Variants in SIDT2 observed in about 807,000 individuals in gnomAD.
SIDT2 encodes SID1 transmembrane family member 2, also known as SID1 transmembrane family, member 2.
SIDT2 carries 68 observed loss-of-function variants against 114.4 expected under a neutral mutation model. The observed-to-expected ratio is 0.59, with a 90% CI of 0.49 to 0.73. The LOEUF is 0.73. Ranked by LOEUF, SIDT2 falls within the 30% of genes least tolerant of loss-of-function variation. The pLI is 0.00. For missense variants in SIDT2, 918 were observed against 1,097.1 expected (o/e 0.84, Z 2.31); for synonymous variants, 470 against 438.4 (o/e 1.07, Z -0.90).
At chr11:117,183,489 T>C (rs1024538384) in intron 6 of SIDT2, among the ~76,000 whole-genome samples, 2 of 151,916 alleles carry the variant, frequency 1.3e-5, no homozygotes, top group African/African-American at 4.8e-5. Context: ...AACATAAAAA[T>C]TAGCTGGGCG....
intron 10 of SIDT2, chr11:117,187,130 C>T (rs539099817): frequency 1.6e-6 from 2 of 1,278,520 alleles, no homozygotes; most frequent in South Asian, 1.3e-5. Flanking sequence ...TTAGATGTGC[C>T]TGTTCTTGAA....
In SIDT2 at chr11:117,181,443, G is replaced by A. The variant is rs753430054; in HGVS notation, c.211G>A (p.Val71Ile). The A allele has an allele frequency of 8.1e-6, 13 of 1,613,668 alleles. No individual in the cohort carries two copies. Among genetic ancestry groups the A allele is most frequent in the Admixed American group, 5.0e-5 (3 of 59,974 alleles). The part of the protein sequence containing the change: ...RTEGVRVSVN[V>I]LNKQKGAPLL... ...AGAGGGCGTGCGTGTGTCTGTGAACGTCCTGAACAAGCAGAAGGGGGCGCC... is the reference window on the plus strand; with the variant it reads ...AGAGGGCGTGCGTGTGTCTGTGAACATCCTGAACAAGCAGAAGGGGGCGCC... Residue 71 changes from valine to isoleucine, a missense_variant, in exon 2 of 26, where the codon GTC becomes ATC. Coordinates refer to ENST00000324225, the MANE Select transcript of SIDT2 (RefSeq NM_001040455.2).
rs770051202 is a variant in SIDT2, at chr11:117,183,776, C to T, written c.703-3C>T. ...GAAGATATTTATCATCATCATCCTG[C>T]AGCGCAAAGACTTCCCCAGCAACAG... On this transcript the variant is annotated splice_polypyrimidine_tract_variant and splice_region_variant and intron_variant, in intron 6 of 25. Transcript: ENST00000324225. The T allele has an allele frequency of 1.9e-5, 31 of 1,603,684 alleles. No individual in the cohort carries two copies. The highest frequency in any genetic ancestry group is 2.6e-5 in the Non-Finnish European group (30 of 1,170,838).
intron 23 of SIDT2, among the ~76,000 whole-genome samples, 170 bp from the exon 24 acceptor site, chr11:117,193,683 G>A (rs1460837076): frequency 6.6e-6 from 1 of 152,148 alleles, no homozygotes; most frequent in Non-Finnish European, 1.5e-5. Flanking sequence ...GTGGACATCG[G>A]GGTGGGGGCA....
rs926119918 is a variant in SIDT2, at chr11:117,182,533, G to C, written c.531G>C (p.Glu177Asp). Residue 177 changes from glutamate (E) to aspartate (D), a missense_variant, in exon 5 of 26, where the codon GAG becomes GAC. Glu to Asp is a conservative substitution (Grantham distance 45). Around this residue, in one of 4 missense-constraint regions of SIDT2, gnomAD observed 553 missense variants for 600.1 expected, o/e 0.92. Coordinates refer to ENST00000324225, the MANE Select transcript of SIDT2 (RefSeq NM_001040455.2). The stretch of plus-strand genomic sequence containing the variant: ...TGCACCCTCAGTACTTCAAGTATGA[G>C]TTCCCTGAAGGCGTGGACTCGGTAA... ...TAAQPQYFKYEFPEGVDSVIV... is the reference protein window; with the variant it reads ...TAAQPQYFKYDFPEGVDSVIV... 4 of 1,614,078 alleles carry C rather than the reference G, an allele frequency of 2.5e-6. No homozygotes were observed. Among genetic ancestry groups the C allele is most frequent in the Non-Finnish European group, 3.4e-6 (4 of 1,179,898 alleles).
Position 117,186,175 on chromosome 11 carries a change from TCTCCTTTTAC to T in SIDT2, c.917_926del (p.Ser306CysfsTer2). 1 of 1,614,104 alleles carries T rather than the reference TCTCCTTTTAC, an allele frequency of 6.2e-7. No individual in the cohort carries two copies. The highest frequency in any genetic ancestry group is 1.1e-5 in the South Asian group (1 of 91,078). ...ATGCTCTTTTGCCTGGGTATATTTC[TCTCCTTTTAC>T]CTGCTGACCGTCCTCCTGGCCTGCT... On this transcript the variant is annotated frameshift_variant, in exon 9 of 26. Coordinates refer to ENST00000324225, the MANE Select transcript of SIDT2 (RefSeq NM_001040455.2). LOFTEE classifies it high-confidence loss of function.
intron 12 of SIDT2, 146 bp downstream of exon 12, chr11:117,187,845 C>T (rs1376911220): frequency 2.5e-6 from 2 of 784,356 alleles, no homozygotes; most frequent in East Asian, 2.6e-5. Context: ...CCCTCATCCC[C>T]TCCTCCTTGG....
intron 24 of SIDT2, among the ~76,000 whole-genome samples, chr11:117,195,158 G>A (rs920188943): frequency 6.9e-6 from 1 of 144,462 alleles, no homozygotes; most frequent in Non-Finnish European, 1.5e-5. Flanking sequence ...GACCTACTGT[G>A]ACCTTAGTAA....
intron 6 of SIDT2, 49 bp from the exon 7 acceptor site, chr11:117,183,730 A>AATG (rs377497326): frequency 3.8e-5 from 47 of 1,251,218 alleles, no homozygotes; most frequent in Middle Eastern, 1.9e-4. Context: ...TTTAGAAAAG[A>AATG]ATGATGATGA....
rs2030369951 is a variant in SIDT2, at chr11:117,183,331, G to T, written c.703-448G>T. 2.0e-5 allele frequency among the ~76,000 whole-genome samples: 3 copies of T among 151,614 alleles called. No homozygotes were observed. In the South Asian group the frequency reaches 6.3e-4, roughly 32 times the overall value. On this transcript the variant is annotated intron_variant, in intron 6 of 25. Coordinates refer to ENST00000324225, the MANE Select transcript of SIDT2 (RefSeq NM_001040455.2). ...CTGCACTCCAGCCTGGGCAAAAGGAGTGAAACTCTGTCTCAAGAAAAAAAA... is the reference window on the plus strand; with the variant it reads ...CTGCACTCCAGCCTGGGCAAAAGGATTGAAACTCTGTCTCAAGAAAAAAAA...
intron 6 of SIDT2, 67 bp downstream of exon 6, chr11:117,182,873 G>T: frequency 6.6e-7 from 1 of 1,525,528 alleles, no homozygotes; most frequent in South Asian, 1.2e-5. Context: ...TTCCAAACTT[G>T]AGCTCTTCTT....
chr11:117,185,034 C>CCT (rs765702256), intron 8 of SIDT2, among the ~76,000 whole-genome samples: 30 of 149,382 alleles, frequency 2.0e-4, no homozygotes, highest in South Asian at 4.3e-4. Context: ...CCAGAGGGTG[C>CCT]CTCTCTCTCT....
At position 117,186,170 on chromosome 11, in the gene SIDT2, A is replaced by G. The variant is rs765199635; in HGVS notation, c.909A>G (p.Ile303Met). Reference sequence around the variant, plus strand: ...GTGGGATGCTCTTTTGCCTGGGTATATTTCTCTCCTTTTACCTGCTGACCG... The same window carrying G: ...GTGGGATGCTCTTTTGCCTGGGTATGTTTCTCTCCTTTTACCTGCTGACCG... ...YVSGMLFCLG[I>M]FLSFYLLTVL... Residue 303 changes from isoleucine to methionine, a missense_variant, in exon 9 of 26, where the codon ATA (isoleucine) becomes ATG (methionine). By Grantham distance (10) the Ile-to-Met change is conservative (BLOSUM62 1). Around this residue, in one of 4 missense-constraint regions of SIDT2, gnomAD observed 553 missense variants for 600.1 expected, o/e 0.92. Transcript: ENST00000324225. 14 of 1,613,484 alleles carry G rather than the reference A, an allele frequency of 8.7e-6. No homozygotes were observed. Among genetic ancestry groups the G allele is most frequent in the South Asian group, 1.1e-5 (1 of 91,064 alleles).
Position 117,197,392 on chromosome 11 carries a change from G to C in SIDT2, c.*1326G>C, listed in dbSNP as rs1429301427. 1 of 152,644 alleles carries C rather than the reference G, an allele frequency of 6.6e-6. No homozygotes were observed. The highest frequency in any genetic ancestry group is 6.5e-5 in the Admixed American group (1 of 15,290). 9.5% of individuals were successfully genotyped at this position (152,644 alleles called of 1,614,324 possible). Reference sequence around the variant, plus strand: ...CTCAGAGCGTCTCCATGCTATGGTTGCATTTCCGTTTTCTATGAATGAATT... The same window carrying C: ...CTCAGAGCGTCTCCATGCTATGGTTCCATTTCCGTTTTCTATGAATGAATT... On this transcript the variant is annotated 3_prime_UTR_variant, in exon 26 of 26. Coordinates refer to ENST00000324225, the MANE Select transcript of SIDT2 (RefSeq NM_001040455.2).
intron 8 of SIDT2, 94 bp downstream of exon 8, chr11:117,184,233 G>A: frequency 1.6e-6 from 2 of 1,246,782 alleles, no homozygotes; most frequent in East Asian, 2.4e-5. Flanking sequence ...AGTGGGTGAT[G>A]AGGATGCAGA....
intron 24 of SIDT2, among the ~76,000 whole-genome samples, chr11:117,194,353 A>T (rs1565289811): frequency 2.6e-5 from 4 of 152,204 alleles, no homozygotes; most frequent in Admixed American, 2.6e-4. Flanking sequence ...ACCATAGGCC[A>T]GCACTTTCAT....
rs1410839305 is a variant in SIDT2, at chr11:117,183,852, C to G, written c.776C>G (p.Ser259Cys). 6.2e-7 allele frequency: 1 copy of G among 1,613,900 alleles called. No individual in the cohort carries two copies. Among genetic ancestry groups the G allele is most frequent in the African/African-American group, 1.3e-5 (1 of 74,992 alleles). ...ACCGAAGACCAAGCCTGCGGGGGCT[C>G]CCTGCCTTTCTACCCCTTCGCAGAA... ...VKTEDQACGG[S>C]LPFYPFAEDE... Residue 259 changes from serine (S) to cysteine (C), a missense_variant, in exon 7 of 26, where the codon TCC (serine) becomes TGC (cysteine). Around this residue, in one of 4 missense-constraint regions of SIDT2, gnomAD observed 553 missense variants for 600.1 expected, o/e 0.92. Transcript: ENST00000324225.
chr11:117,188,608 T>A lies in SIDT2; in HGVS notation c.1160-100T>A. ...GAGGCCCAGCCCACAATTTGCCTCTTCCCTACTGCCTAATAATTGTTACAA... is the reference window on the plus strand; with the variant it reads ...GAGGCCCAGCCCACAATTTGCCTCTACCCTACTGCCTAATAATTGTTACAA... On this transcript the variant is annotated intron_variant, in intron 12 of 25. Transcript: ENST00000324225. The surrounding 1 kb of genome is among the most constrained non-coding windows in gnomAD (Gnocchi z 4.0). 1 of 929,692 alleles carries A rather than the reference T, an allele frequency of 1.1e-6. No homozygotes were observed. The highest frequency in any genetic ancestry group is 1.4e-5 in the South Asian group (1 of 71,460). 57.6% of individuals were successfully genotyped at this position (929,692 alleles called of 1,614,324 possible).
rs976518075 is a variant in SIDT2, at chr11:117,178,768, T to C, written c.-496T>C. 2.6e-5 allele frequency: 4 copies of C among 156,372 alleles called. No homozygotes were observed. The highest frequency in any genetic ancestry group is 9.6e-5 in the African/African-American group (4 of 41,500). 9.7% of individuals were successfully genotyped at this position (156,372 alleles called of 1,614,324 possible). Reference sequence around the variant, plus strand: ...AGTGTTCGTGCGTCGGGACGGCGCGTCCGCCCGCCCTTAAAGGGCCCGCAC... The same window carrying C: ...AGTGTTCGTGCGTCGGGACGGCGCGCCCGCCCGCCCTTAAAGGGCCCGCAC... On this transcript the variant is annotated 5_prime_UTR_variant, in exon 1 of 26. Coordinates refer to ENST00000324225, the MANE Select transcript of SIDT2 (RefSeq NM_001040455.2).
Sources: allele counts gnomAD v4.1 joint callset (sites outside exome capture counted in the v4.1 genomes callset), GRCh38; gene constraint gnomAD v4.1.1; regional missense constraint gnomAD v4.1.1; non-coding constraint Gnocchi (gnomAD v3.1); transcripts MANE v1.5; gene names NCBI Gene and HGNC (gene_info 2026-07-23, HGNC 2026-07-21).